The following JMJD1C variants were observed in gnomAD, a reference collection of about 807,000 sequenced individuals.
JMJD1C encodes jumonji domain containing 1C.
In JMJD1C, 31 loss-of-function variants were observed where a neutral mutation model predicts 245.3. The observed-to-expected ratio is 0.13, with a 90% CI of 0.09 to 0.17. The LOEUF is 0.17. Ranked by LOEUF, JMJD1C falls within the 10% of genes least tolerant of loss-of-function variation. The pLI is 1.00. For synonymous variants in JMJD1C, 1,057 were observed against 1,017.4 expected (o/e 1.04, Z -0.74); for missense variants, 2,691 against 3,000.2 (o/e 0.90, Z 2.41).
intron 2 of JMJD1C, among the ~76,000 whole-genome samples, chr10:63,379,095 T>A (rs1947007486): frequency 6.6e-6 from 1 of 152,130 alleles, no homozygotes; most frequent in African/African-American, 2.4e-5. Flanking sequence ...AATAAACAGA[T>A]CTATTAAATT....
At chr10:63,303,876 T>A (rs982079796) in intron 2 of JMJD1C, among the ~76,000 whole-genome samples, 1 of 152,198 alleles carries the variant, frequency 6.6e-6, no homozygotes, top group African/African-American at 2.4e-5. Flanking sequence ...AAGATTCTTG[T>A]TTATCATTAA....
chr10:63,268,173 G>A (rs1047150963), intron 2 of JMJD1C, among the ~76,000 whole-genome samples: 2 of 147,202 alleles, frequency 1.4e-5, no homozygotes, highest in African/African-American at 5.0e-5. Flanking sequence ...CTCACCAAAG[G>A]TAAATACTAA....
At chr10:63,342,474 C>T (rs1943465754) in intron 2 of JMJD1C, among the ~76,000 whole-genome samples, 1 of 152,198 alleles carries the variant, frequency 6.6e-6, no homozygotes, top group Admixed American at 6.5e-5. Context: ...CACTAGAGGA[C>T]CCACTTCCTG....
At chr10:63,201,503 T>C (rs190388659) in intron 10 of JMJD1C, among the ~76,000 whole-genome samples, 22 of 152,344 alleles carry the variant, frequency 1.4e-4, no homozygotes, top group Non-Finnish European at 2.4e-4. Context: ...TCACATTTAC[T>C]GACTTATGTT....
chr10:63,224,894 T>G (rs1849058235), intron 3 of JMJD1C, among the ~76,000 whole-genome samples: 1 of 151,832 alleles, frequency 6.6e-6, no homozygotes, highest in East Asian at 1.9e-4. Context: ...AAACCCCATC[T>G]CTACTAAAAA....
intron 1 of JMJD1C, among the ~76,000 whole-genome samples, chr10:63,449,432 T>C (rs1951904936): frequency 6.6e-6 from 1 of 152,156 alleles, no homozygotes; most frequent in Non-Finnish European, 1.5e-5. Context: ...TATAACACTT[T>C]TCATATATAT....
At chr10:63,371,912 A>G (rs1312552690) in intron 2 of JMJD1C, among the ~76,000 whole-genome samples, 2 of 152,230 alleles carry the variant, frequency 1.3e-5, no homozygotes, top group African/African-American at 4.8e-5. Context: ...AAGACATGCA[A>G]CTGTTTATTC....
chr10:63,188,609 A>G (rs777994832), intron 18 of JMJD1C, among the ~76,000 whole-genome samples: 1 of 152,238 alleles, frequency 6.6e-6, no homozygotes, highest in African/African-American at 2.4e-5. Context: ...TAATTTTTGC[A>G]TTAATGTAGT....
chr10:63,304,085 T>G (rs1026413708), intron 2 of JMJD1C, among the ~76,000 whole-genome samples: 3 of 144,288 alleles, frequency 2.1e-5, no homozygotes, highest in African/African-American at 7.6e-5. Context: ...GACTTTGCCT[T>G]ACTTATCTTT....
intron 1 of JMJD1C, among the ~76,000 whole-genome samples, chr10:63,513,660 C>T (rs913070866): frequency 6.6e-6 from 1 of 152,148 alleles, no homozygotes; most frequent in African/African-American, 2.4e-5. Context: ...TGCCTGTAAT[C>T]CCAGCACTTT....
At chr10:63,333,717 C>T (rs1942402035) in intron 2 of JMJD1C, among the ~76,000 whole-genome samples, 1 of 151,936 alleles carries the variant, frequency 6.6e-6, no homozygotes, top group Non-Finnish European at 1.5e-5. Flanking sequence ...GGAGCATTGC[C>T]CACATAATTA....
At chr10:63,238,006 T>C (rs1319197053) in intron 3 of JMJD1C, among the ~76,000 whole-genome samples, 1 of 27,602 alleles carries the variant, frequency 3.6e-5, no homozygotes, top group Non-Finnish European at 6.0e-5. Flanking sequence ...CCGTCTCTAC[T>C]AAAAAAAAAA....
At chr10:63,393,324 T>C (rs919185625) in intron 1 of JMJD1C, among the ~76,000 whole-genome samples, 7 of 152,114 alleles carry the variant, frequency 4.6e-5, no homozygotes, top group African/African-American at 1.7e-4. Context: ...GAAATGTATA[T>C]ATCTTAACCA....
chr10:63,210,252 T>C (rs1241400407), intron 8 of JMJD1C, among the ~76,000 whole-genome samples: 1 of 152,180 alleles, frequency 6.6e-6, no homozygotes, highest in Non-Finnish European at 1.5e-5. Context: ...AGTTTTGCTC[T>C]ATAAAATGCC....
At chr10:63,313,415 G>A (rs906161743) in intron 2 of JMJD1C, among the ~76,000 whole-genome samples, 3 of 152,174 alleles carry the variant, frequency 2.0e-5, no homozygotes, top group Admixed American at 1.3e-4. Context: ...GACTGTGCAA[G>A]TATCTTTTTC....
In JMJD1C at chr10:63,208,279, T is replaced by C; in HGVS notation, c.3390A>G (p.Ala1130=). The stretch of plus-strand genomic sequence containing the variant: ...ATGAAGTCAGAGTTTGAGGATTAGC[T>C]GCTGCCGCTGCAAGGGCATTACTCT... The part of the protein sequence containing the change: ...DKQSNALAAA[A]ANPQTLTSFI... The change falls in exon 10 of 26, where the codon GCA becomes GCG. Residue 1130 remains alanine (A), a synonymous_variant. Coordinates refer to ENST00000399262, the MANE Select transcript of JMJD1C (RefSeq NM_032776.3). 2 of 1,614,120 alleles carry C rather than the reference T, an allele frequency of 1.2e-6. No individual in the cohort carries two copies. The highest frequency in any genetic ancestry group is 1.7e-6 in the Non-Finnish European group (2 of 1,179,986).
At chr10:63,258,074 T>C (rs1379183321) in intron 3 of JMJD1C, among the ~76,000 whole-genome samples, 1 of 152,172 alleles carries the variant, frequency 6.6e-6, no homozygotes, top group Non-Finnish European at 1.5e-5. Context: ...AGGTTTAAGA[T>C]ACCATTTATG....
chr10:63,419,426 TG>T (rs1348785586), intron 1 of JMJD1C, among the ~76,000 whole-genome samples: 1 of 151,990 alleles, frequency 6.6e-6, no homozygotes, highest in African/African-American at 2.4e-5. Context: ...ACTTTAAGTT[TG>T]GGGGTTTTAA....
intron 2 of JMJD1C, among the ~76,000 whole-genome samples, chr10:63,362,320 C>A (rs972770463): frequency 6.6e-6 from 1 of 151,636 alleles, no homozygotes; most frequent in Non-Finnish European, 1.5e-5. Flanking sequence ...ACTAAAGTGT[C>A]TTTTATTCAT....
Sources: allele counts gnomAD v4.1 joint callset (sites outside exome capture counted in the v4.1 genomes callset), GRCh38; gene constraint gnomAD v4.1.1; transcripts MANE v1.5; gene names NCBI Gene and HGNC (gene_info 2026-07-23, HGNC 2026-07-21).